SUSD1: variants seen among roughly 807,000 people sequenced by gnomAD.
The protein encoded by SUSD1 is sushi domain-containing protein 1.
In SUSD1, 65 loss-of-function variants were observed where a neutral mutation model predicts 86.9. The observed-to-expected ratio is 0.75, with a 90% CI of 0.61 to 0.92. The LOEUF (loss-of-function observed/expected upper bound fraction) is 0.92, where lower values mean the gene tolerates loss of function less well. Among genes scored for constraint, SUSD1 ranks in the 40% least tolerant of loss-of-function variants. The pLI, the probability that SUSD1 is intolerant of heterozygous loss-of-function variation, is 0.00. For missense variants in SUSD1, 850 were observed against 929.7 expected (o/e 0.91, Z 1.11); for synonymous variants, 346 against 350.0 (o/e 0.99, Z 0.13).
intron 3 of SUSD1, among the ~76,000 whole-genome samples, chr9:112,144,520 C>T (rs1832723990): frequency 6.6e-6 from 1 of 152,072 alleles, no homozygotes; most frequent in African/African-American, 2.4e-5. Context: ...GGCACGGTGG[C>T]TCATGTCTGT....
At chr9:112,053,445 G>T (rs1828307966) in intron 14 of SUSD1, among the ~76,000 whole-genome samples, 1 of 149,214 alleles carries the variant, frequency 6.7e-6, no homozygotes, top group Non-Finnish European at 1.5e-5. Context: ...AACCCAGGAG[G>T]CGGAGGTGCA....
intron 1 of SUSD1, among the ~76,000 whole-genome samples, chr9:112,166,503 C>T (rs141715265): frequency 2.6e-5 from 4 of 152,326 alleles, no homozygotes; most frequent in Non-Finnish European, 4.4e-5. Context: ...CACTGCCAGA[C>T]TAGCTCAACC....
In SUSD1 at chr9:112,098,502, G is replaced by C. The variant is rs757416735; in HGVS notation, c.1442C>G (p.Ser481Ter). The part of the protein sequence containing the change: ...VTLLRSPKRH[S>*]VQITIATPPA... ...GGGAGTTGCTATTGTTATTTGCACTGAGTGCCGCTTAGGAGATCTCAGCAG... is the reference window on the plus strand; with the variant it reads ...GGGAGTTGCTATTGTTATTTGCACTCAGTGCCGCTTAGGAGATCTCAGCAG... Residue 481 changes from serine (S) to a stop codon, truncating the protein, a stop_gained, in exon 10 of 17, where the codon TCA becomes TGA. Coordinates refer to ENST00000374270, the MANE Select transcript of SUSD1 (RefSeq NM_022486.5). LOFTEE classifies it high-confidence loss of function. 1.9e-6 allele frequency: 3 copies of C among 1,614,156 alleles called. No individual in the cohort carries two copies. The South Asian group carries it at 3.3e-5, about 18-fold the overall frequency.
At chr9:112,056,085 ACT>A (rs1418911894) in intron 14 of SUSD1, among the ~76,000 whole-genome samples, 2 of 152,026 alleles carry the variant, frequency 1.3e-5, no homozygotes, top group Non-Finnish European at 2.9e-5. Flanking sequence ...ACATGGAGAG[ACT>A]CTATCTCTAC....
At chr9:112,088,135 T>C (rs1168603101) in intron 10 of SUSD1, among the ~76,000 whole-genome samples, 3 of 152,212 alleles carry the variant, frequency 2.0e-5, no homozygotes, top group Admixed American at 1.3e-4. Context: ...CCAAGCTACC[T>C]TTCAAATATC....
intron 1 of SUSD1, among the ~76,000 whole-genome samples, chr9:112,165,923 A>AAGAAAGAAAG (rs1554777758): frequency 1.1e-3 from 111 of 99,102 alleles, no homozygotes; most frequent in African/African-American, 4.1e-3. Flanking sequence ...GGAAGAAAGA[A>AAGAAAGAAAG]AAGAAAGAAA....
rs564038807 is a variant in SUSD1 at position 112,138,670 on chromosome 9, G to A, written c.706+3650C>T. 2.6e-5 allele frequency among the ~76,000 whole-genome samples: 4 copies of A among 152,132 alleles called. No homozygotes were observed. In the East Asian group the frequency reaches 5.8e-4, roughly 22 times the overall value. ...TCACCATGCTGGCTAGGCTGGTCTCGAACTCCTGACCTCGTGATCAGCCTG... is the reference window on the plus strand; with the variant it reads ...TCACCATGCTGGCTAGGCTGGTCTCAAACTCCTGACCTCGTGATCAGCCTG... On this transcript the variant is annotated intron_variant, in intron 5 of 16. Coordinates refer to ENST00000374270, the MANE Select transcript of SUSD1 (RefSeq NM_022486.5).
chr9:112,139,432 C>T, intron 5 of SUSD1, among the ~76,000 whole-genome samples: 1 of 152,066 alleles, frequency 6.6e-6, no homozygotes, highest in East Asian at 1.9e-4. Flanking sequence ...AACAATATAA[C>T]CCACACATTA....
chr9:112,092,383 C>A (rs746979913), intron 10 of SUSD1, among the ~76,000 whole-genome samples: 3 of 152,122 alleles, frequency 2.0e-5, no homozygotes, highest in African/African-American at 4.8e-5. Flanking sequence ...ATTTATGAGA[C>A]CCCCTGGAAT....
At chr9:112,115,685 T>C (rs1242752089) in intron 6 of SUSD1, among the ~76,000 whole-genome samples, 5 of 151,490 alleles carry the variant, frequency 3.3e-5, no homozygotes, top group Non-Finnish European at 5.9e-5. Flanking sequence ...GGTACATACC[T>C]ATAATTCCAG....
chr9:112,111,574 C>T (rs1831097355), intron 8 of SUSD1, 80 bp downstream of exon 8: 3 of 1,529,348 alleles, frequency 2.0e-6, no homozygotes, highest in Admixed American at 2.0e-5. Flanking sequence ...GCTCTCCAGC[C>T]CAGCTGATTC....
intron 10 of SUSD1, among the ~76,000 whole-genome samples, chr9:112,095,165 G>C (rs1387129552): frequency 6.6e-6 from 1 of 152,172 alleles, no homozygotes; most frequent in Non-Finnish European, 1.5e-5. Context: ...TTTCTCTACA[G>C]AGACCTCGGA....
intron 10 of SUSD1, among the ~76,000 whole-genome samples, chr9:112,082,644 G>C (rs1221300160): frequency 3.3e-5 from 5 of 151,982 alleles, no homozygotes; most frequent in African/African-American, 9.7e-5. Flanking sequence ...CTTGATTACA[G>C]CTTAGTGAAA....
At chr9:112,097,974 A>G (rs1386647419) in intron 10 of SUSD1, among the ~76,000 whole-genome samples, 1 of 152,154 alleles carries the variant, frequency 6.6e-6, no homozygotes, top group African/African-American at 2.4e-5. Context: ...CTTCCTCAAA[A>G]GACTGCAAGG....
In SUSD1 at chr9:112,058,320, G is replaced by A. The variant is rs1398816731; in HGVS notation, c.2109+108C>T. The A allele has an allele frequency of 2.9e-6, 4 of 1,356,206 alleles. No individual in the cohort carries two copies. The African/African-American group carries it at 5.9e-5, about 20-fold the overall frequency. 84.0% of individuals were successfully genotyped at this position (1,356,206 alleles called of 1,614,324 possible). ...AAGTATTCACAAACATTTTGTGATTGTTACATGCAGTGACCCTCTCATATA... is the reference window on the plus strand; with the variant it reads ...AAGTATTCACAAACATTTTGTGATTATTACATGCAGTGACCCTCTCATATA... On this transcript the variant is annotated intron_variant, in intron 14 of 16. Coordinates refer to ENST00000374270, the MANE Select transcript of SUSD1 (RefSeq NM_022486.5).
intron 11 of SUSD1, 37 bp downstream of exon 11, chr9:112,080,037 C>T (rs1829697497): frequency 4.7e-6 from 7 of 1,484,284 alleles, no homozygotes; most frequent in Non-Finnish European, 6.6e-6. Context: ...CCACATAAGA[C>T]AACCATCTAT....
Position 112,098,603 on chromosome 9 carries a change from G to A in SUSD1, c.1341C>T (p.Asn447=). The A allele has an allele frequency of 6.2e-7, 1 of 1,614,194 alleles. No individual in the cohort carries two copies. The highest frequency in any genetic ancestry group is 8.5e-7 in the Non-Finnish European group (1 of 1,180,034). The change falls in exon 10 of 17, where the codon AAC becomes AAT. Residue 447 remains asparagine (N), a synonymous_variant. Transcript: ENST00000374270. ...LANFSHATSF[N]FTTREQVPVV... Reference sequence around the variant, plus strand: ...CAGGCACTTGTTCCCTCGTTGTGAAGTTAAACGATGTTGCATGAGAAAAGT... The same window carrying A: ...CAGGCACTTGTTCCCTCGTTGTGAAATTAAACGATGTTGCATGAGAAAAGT...
chr9:112,132,405 C>T (rs1229804277), intron 5 of SUSD1, among the ~76,000 whole-genome samples: 3 of 152,140 alleles, frequency 2.0e-5, no homozygotes, highest in Non-Finnish European at 4.4e-5. Context: ...ATATGTAAAG[C>T]TTTGCAAAAG....
intron 12 of SUSD1, among the ~76,000 whole-genome samples, chr9:112,064,046 T>TTTTTTTTTTTTTTTTTTTTTG (rs1491139474): frequency 8.9e-5 from 7 of 78,644 alleles, no homozygotes; most frequent in East Asian, 6.9e-4. Context: ...TTTCTTTTTT[T>TTTTTTTTTTTTTTTTTTTTTG]GGGGGGGGGG....
Sources: allele counts gnomAD v4.1 joint callset (sites outside exome capture counted in the v4.1 genomes callset), GRCh38; gene constraint gnomAD v4.1.1; transcripts MANE v1.5; gene names NCBI Gene and HGNC (gene_info 2026-07-23, HGNC 2026-07-21).